NRG3: variants seen among roughly 807,000 people sequenced by gnomAD.
The protein encoded by NRG3 is neuregulin 3.
NRG3 carries 31 observed loss-of-function variants against 66.9 expected under a neutral mutation model. The ratio of observed to expected loss-of-function variants is 0.46; its 90% confidence interval spans 0.35 to 0.63. NRG3 has a LOEUF of 0.63. NRG3 is among the 20% of genes least tolerant of loss of function. The pLI is 0.00. For missense variants in NRG3, 910 were observed against 878.9 expected, an observed-to-expected ratio of 1.04 and a Z score of -0.45; for synonymous variants, 393 against 359.4, an observed-to-expected ratio of 1.09 and a Z score of -1.06.
intron 1 of NRG3, among the ~76,000 whole-genome samples, chr10:82,157,677 A>G (rs2071287754): frequency 6.6e-6 from 1 of 151,554 alleles, no homozygotes; most frequent in South Asian, 2.1e-4. Context: ...TCCAAACAGA[A>G]GGGAGGCAGG....
chr10:82,147,494 TAAC>T (rs2132720316), intron 1 of NRG3, among the ~76,000 whole-genome samples: 1 of 152,310 alleles, frequency 6.6e-6, no homozygotes, highest in African/African-American at 2.4e-5. Flanking sequence ...TTAATGAGAA[TAAC>T]AACTCAGCTA....
At chr10:82,912,441 C>G (rs1845410688) in intron 4 of NRG3, among the ~76,000 whole-genome samples, 1 of 151,998 alleles carries the variant, frequency 6.6e-6, no homozygotes, top group African/African-American at 2.4e-5. Context: ...GCACTGACGT[C>G]TTCTGTCTTC....
At chr10:82,792,825 CAT>C (rs2060641806) in intron 3 of NRG3, among the ~76,000 whole-genome samples, 1 of 152,002 alleles carries the variant, frequency 6.6e-6, no homozygotes, top group African/African-American at 2.4e-5. Context: ...GGATTTTAGA[CAT>C]GTGCCACAAC....
intron 2 of NRG3, among the ~76,000 whole-genome samples, chr10:82,645,975 A>C (rs2050900451): frequency 6.6e-6 from 1 of 152,194 alleles, no homozygotes; most frequent in Non-Finnish European, 1.5e-5. Flanking sequence ...CAATTTCTAT[A>C]GAGTCAGGGA....
intron 1 of NRG3, among the ~76,000 whole-genome samples, chr10:82,208,571 T>A (rs2075244328): frequency 6.6e-6 from 1 of 151,906 alleles, no homozygotes; most frequent in Non-Finnish European, 1.5e-5. Context: ...ACAAAGACAA[T>A]GTTTGAGGAG....
At chr10:82,467,992 G>C (rs911975259) in intron 2 of NRG3, among the ~76,000 whole-genome samples, 2 of 152,096 alleles carry the variant, frequency 1.3e-5, no homozygotes, top group Non-Finnish European at 2.9e-5. Flanking sequence ...AAGGGAAATG[G>C]AAAACATTTG....
intron 1 of NRG3, among the ~76,000 whole-genome samples, chr10:81,893,973 G>A (rs1211657806): frequency 1.3e-5 from 2 of 152,158 alleles, no homozygotes; most frequent in African/African-American, 2.4e-5. Flanking sequence ...CCCAGGTAAC[G>A]TGTGAAGCTA....
At chr10:82,555,209 G>T (rs2044574015) in intron 2 of NRG3, among the ~76,000 whole-genome samples, 1 of 151,932 alleles carries the variant, frequency 6.6e-6, no homozygotes, top group Non-Finnish European at 1.5e-5. Context: ...TTATTCTCTG[G>T]TCTACAATTA....
intron 1 of NRG3, among the ~76,000 whole-genome samples, chr10:82,321,890 G>A (rs569684128): frequency 6.2e-4 from 94 of 152,246 alleles, no homozygotes; most frequent in African/African-American, 2.0e-3. Context: ...GCAGTCACTA[G>A]AATTTGTTCT....
intron 1 of NRG3, among the ~76,000 whole-genome samples, chr10:82,282,249 CATTTATTTATTTATTTATTTATTT>C (rs5786542): frequency 2.0e-5 from 3 of 148,444 alleles, no homozygotes; most frequent in East Asian, 2.0e-4. Context: ...GAAAACATTA[CATTTATTTATTTATTTATTTATTT>C]ATTTATTTAT....
chr10:82,154,065 T>C (rs75591359), intron 1 of NRG3, among the ~76,000 whole-genome samples: 1 of 151,990 alleles, frequency 6.6e-6, no homozygotes, highest in African/African-American at 2.4e-5. Context: ...ATGCAAAAAG[T>C]TTTTAGTTTG....
chr10:82,615,250 T>C (rs2048569434), intron 2 of NRG3, among the ~76,000 whole-genome samples: 1 of 152,142 alleles, frequency 6.6e-6, no homozygotes, highest in Non-Finnish European at 1.5e-5. Context: ...TTCTGGAGAA[T>C]TGATTGATAT....
intron 1 of NRG3, among the ~76,000 whole-genome samples, chr10:82,297,741 A>G (rs994553905): frequency 1.3e-5 from 2 of 152,128 alleles, no homozygotes; most frequent in African/African-American, 4.8e-5. Context: ...TATATTAAGT[A>G]TACATATGTA....
intron 1 of NRG3, among the ~76,000 whole-genome samples, chr10:82,179,451 C>T (rs903907391): frequency 4.6e-5 from 7 of 151,846 alleles, no homozygotes; most frequent in Non-Finnish European, 1.0e-4. Flanking sequence ...GATTCCATTT[C>T]ATTGTTTTGC....
At chr10:81,927,555 A>G (rs1253527782) in intron 1 of NRG3, among the ~76,000 whole-genome samples, 1 of 152,198 alleles carries the variant, frequency 6.6e-6, no homozygotes, top group Non-Finnish European at 1.5e-5. Flanking sequence ...AACTTTACAT[A>G]TTTATTTACT....
chr10:82,675,008 G>A lies in NRG3; in HGVS notation c.954-63569G>A, dbSNP rs1455893152. On this transcript the variant is annotated intron_variant, in intron 2 of 8. Coordinates refer to ENST00000372141, the MANE Select transcript of NRG3 (RefSeq NM_001010848.4). ...GGAACCTCACTGTGTCGCCCAGGCT[G>A]GAGTGCAATGGCGCGCCTCGGCTCA... Among the ~76,000 whole-genome samples the A allele has an allele frequency of 4.0e-5, 6 of 151,664 alleles. No homozygotes were observed. In the South Asian group the frequency reaches 1.3e-3, roughly 32 times the overall value.
intron 3 of NRG3, among the ~76,000 whole-genome samples, chr10:82,762,019 TTTTC>T (rs1269347310): frequency 6.6e-6 from 1 of 151,014 alleles, no homozygotes; most frequent in East Asian, 1.9e-4. Context: ...TCTTTCTTTC[TTTTC>T]TTTCTTTCTT....
intron 2 of NRG3, among the ~76,000 whole-genome samples, chr10:82,388,131 C>T (rs1354691125): frequency 1.3e-5 from 2 of 152,130 alleles, no homozygotes; most frequent in Admixed American, 6.6e-5. Context: ...TTACTCATCA[C>T]TTCACTGAAA....
At chr10:81,903,142 TATACTC>T (rs1258368620) in intron 1 of NRG3, among the ~76,000 whole-genome samples, 1 of 152,198 alleles carries the variant, frequency 6.6e-6, no homozygotes, top group African/African-American at 2.4e-5. Flanking sequence ...ACTCTTCACT[TATACTC>T]TAAAATATCT....
Sources: gnomAD v4.1 joint callset for allele counts (sites outside exome capture counted in the v4.1 genomes callset) on GRCh38, gnomAD v4.1.1 for gene constraint, MANE v1.5 for transcripts, NCBI Gene and HGNC (gene_info 2026-07-23, HGNC 2026-07-21) for gene names.